The following TMCO4 variants were observed in gnomAD, a reference collection of about 807,000 sequenced individuals.
The protein encoded by TMCO4 is transmembrane and coiled-coil domain-containing protein 4.
In TMCO4, 58 loss-of-function variants were observed where a neutral mutation model predicts 64.7. The observed-to-expected ratio is 0.90, with a 90% CI of 0.73 to 1.12. The LOEUF (loss-of-function observed/expected upper bound fraction) is 1.12, where lower values mean the gene tolerates loss of function less well. Among genes scored for constraint, TMCO4 ranks in the 50% most tolerant of loss-of-function variants. The probability of loss-of-function intolerance (pLI) is 0.00; values close to 1 mark genes in which losing one functional copy is unlikely to be tolerated. For missense variants in TMCO4, 780 were observed against 825.9 expected (o/e 0.94, Z 0.68); for synonymous variants, 325 against 346.1 (o/e 0.94, Z 0.68).
intron 13 of TMCO4, among the ~76,000 whole-genome samples, chr1:19,715,028 A>AG (rs2095348999): frequency 6.6e-6 from 1 of 152,100 alleles, no homozygotes; most frequent in Non-Finnish European, 1.5e-5. Flanking sequence ...GGATCACTTG[A>AG]GCCAGGAGCA....
intron 10 of TMCO4, among the ~76,000 whole-genome samples, chr1:19,741,209 T>A (rs968991873): frequency 4.6e-5 from 7 of 152,194 alleles, no homozygotes; most frequent in African/African-American, 1.7e-4. Flanking sequence ...GTGCCTCACT[T>A]TGCTTCTATG....
Position 19,779,815 on chromosome 1 carries a change from G to A in TMCO4, c.179+765C>T, listed in dbSNP as rs927914506. ...AAATATTAATATCTTATCCGTTCCT[G>A]GACGGTGTCCTACTTGATTGGGGGA... On this transcript the variant is annotated intron_variant, in intron 4 of 15. Transcript: ENST00000294543. Among the ~76,000 whole-genome samples, 5 of 152,282 alleles carry A rather than the reference G, an allele frequency of 3.3e-5. No individual in the cohort carries two copies. The East Asian group carries it at 5.8e-4, about 18-fold the overall frequency.
intron 13 of TMCO4, among the ~76,000 whole-genome samples, chr1:19,723,061 G>C (rs1364280589): frequency 1.3e-5 from 2 of 152,186 alleles, no homozygotes; most frequent in African/African-American, 4.8e-5. Flanking sequence ...CTCTGAGCAA[G>C]GCAAGTCGCT....
intron 13 of TMCO4, among the ~76,000 whole-genome samples, chr1:19,704,527 G>A (rs1389080734): frequency 6.6e-6 from 1 of 152,240 alleles, no homozygotes; most frequent in African/African-American, 2.4e-5. Context: ...AACGTGCACA[G>A]TGATCATATG....
intron 14 of TMCO4, among the ~76,000 whole-genome samples, chr1:19,696,917 C>T (rs533481666): frequency 5.1e-4 from 78 of 152,304 alleles, no homozygotes; most frequent in South Asian, 3.9e-3. Context: ...CTTCTCCACC[C>T]GGCTCTGGAC....
rs1401110581 is a variant in TMCO4 at position 19,693,186 on chromosome 1, A to C, written c.1500+1248T>G. Among the ~76,000 whole-genome samples the C allele has an allele frequency of 4.9e-4, 71 of 144,964 alleles. 2 individuals are homozygous for C. The highest frequency in any genetic ancestry group is 1.4e-3 in the Admixed American group (20 of 14,334). ...TCTCAAAAAAAAAAAAAAAAAAAAA[A>C]AAAAAAAAAAAAAAGGCCAGGCACG... On this transcript the variant is annotated intron_variant, in intron 15 of 15. Coordinates refer to ENST00000294543, the MANE Select transcript of TMCO4 (RefSeq NM_181719.7).
intron 7 of TMCO4, 113 bp downstream of exon 7, chr1:19,755,521 C>G (rs1393998585): frequency 8.9e-6 from 13 of 1,462,246 alleles, no homozygotes; most frequent in Non-Finnish European, 1.1e-5. Flanking sequence ...CTGTCCAGGG[C>G]TCCTTCCACC....
rs1029516286 is a variant in TMCO4 at position 19,734,223 on chromosome 1, G to T, written c.1264+3149C>A. On this transcript the variant is annotated intron_variant, in intron 13 of 15. Transcript: ENST00000294543. The surrounding 1 kb of genome is among the most constrained non-coding windows in gnomAD (Gnocchi z 4.4). ...CCCGGCATGTGAGGTGGAGAGAGGC[G>T]GGGGAAGGTGCTGAAGGCAGATCAT... is the stretch of plus-strand genomic sequence containing the variant. 6.6e-6 allele frequency among the ~76,000 whole-genome samples: 1 copy of T among 152,138 alleles called. No homozygotes were observed. Among genetic ancestry groups the T allele is most frequent in the Non-Finnish European group, 1.5e-5 (1 of 68,010 alleles).
intron 2 of TMCO4, among the ~76,000 whole-genome samples, chr1:19,788,102 T>C (rs1003176531): frequency 8.5e-5 from 13 of 152,182 alleles, no homozygotes; most frequent in African/African-American, 2.9e-4. Context: ...TTTTTACCTC[T>C]TTAAGCTTCA....
At chr1:19,742,526 C>G (rs944101240) in intron 10 of TMCO4, among the ~76,000 whole-genome samples, 2 of 152,152 alleles carry the variant, frequency 1.3e-5, no homozygotes, top group South Asian at 2.1e-4. Flanking sequence ...CTGGGGGGAC[C>G]CTGTCTCAGC....
At chr1:19,710,097 A>T (rs944832333) in intron 13 of TMCO4, among the ~76,000 whole-genome samples, 4 of 151,284 alleles carry the variant, frequency 2.6e-5, no homozygotes, top group South Asian at 4.2e-4. Flanking sequence ...TCTATTTTTT[A>T]AAAATTTATT....
chr1:19,744,022 G>A (rs931623506), intron 10 of TMCO4, among the ~76,000 whole-genome samples: 4 of 152,162 alleles, frequency 2.6e-5, no homozygotes, highest in African/African-American at 7.2e-5. Context: ...AGACCCTGGC[G>A]CCTGGTGACA....
intron 7 of TMCO4, among the ~76,000 whole-genome samples, chr1:19,751,271 C>T (rs1368320599): frequency 6.6e-6 from 1 of 152,148 alleles, no homozygotes; most frequent in African/African-American, 2.4e-5. Context: ...TCTCTGAAAA[C>T]CAGAGAGGTA....
chr1:19,761,825 C>T (rs193184602), intron 6 of TMCO4, among the ~76,000 whole-genome samples: 1 of 152,350 alleles, frequency 6.6e-6, no homozygotes, highest in East Asian at 1.9e-4. Context: ...AAATGAGCTC[C>T]TCCCAGTCTG....
intron 13 of TMCO4, among the ~76,000 whole-genome samples, chr1:19,714,436 G>A (rs2095346152): frequency 1.3e-5 from 2 of 151,936 alleles, no homozygotes; most frequent in South Asian, 4.2e-4. Context: ...CATACTTAGC[G>A]GGTGGGGAGG....
chr1:19,747,134 C>T (rs200562869), intron 8 of TMCO4, 29 bp downstream of exon 8: 35 of 1,607,732 alleles, frequency 2.2e-5, no homozygotes, highest in Admixed American at 1.5e-4. Flanking sequence ...AAAACCCAGA[C>T]GTGTGCCACC....
intron 7 of TMCO4, among the ~76,000 whole-genome samples, chr1:19,750,839 C>T (rs2041995518): frequency 6.6e-6 from 1 of 152,260 alleles, no homozygotes; most frequent in South Asian, 2.1e-4. Context: ...TCCAGGAAGA[C>T]TGGCCAAAAC....
At chr1:19,705,708 TC>T (rs981453297) in intron 13 of TMCO4, among the ~76,000 whole-genome samples, 6 of 151,894 alleles carry the variant, frequency 4.0e-5, no homozygotes, top group African/African-American at 1.5e-4. Flanking sequence ...ACCTGACTGT[TC>T]CTAGAACGGG....
intron 7 of TMCO4, among the ~76,000 whole-genome samples, chr1:19,752,315 C>G (rs747600959): frequency 6.6e-6 from 1 of 152,112 alleles, no homozygotes; most frequent in Admixed American, 6.5e-5. Flanking sequence ...CAACCCACAC[C>G]GTCGTAGTCA....
Sources: allele counts gnomAD v4.1 joint callset (sites outside exome capture counted in the v4.1 genomes callset), GRCh38; gene constraint gnomAD v4.1.1; non-coding constraint Gnocchi (gnomAD v3.1); transcripts MANE v1.5; gene names NCBI Gene and HGNC (gene_info 2026-07-23, HGNC 2026-07-21).